The following TRAPPC8 variants were observed in gnomAD, a reference collection of about 807,000 sequenced individuals.
TRAPPC8 encodes general sporulation gene 1 homolog.
TRAPPC8 carries 54 observed loss-of-function variants against 174.3 expected under a neutral mutation model. The ratio of observed to expected loss-of-function variants is 0.31; its 90% confidence interval spans 0.25 to 0.39. The LOEUF is 0.39. TRAPPC8 is among the 10% of genes least tolerant of loss of function. The pLI, the probability that TRAPPC8 is intolerant of heterozygous loss-of-function variation, is 1.00. For synonymous variants in TRAPPC8, 630 were observed against 579.9 expected, an observed-to-expected ratio of 1.09 and a Z score of -1.24; for missense variants, 1,531 against 1,699.1, an observed-to-expected ratio of 0.90 and a Z score of 1.74.
At chr18:31,860,512 CTTGT>C (rs1263262506) in intron 19 of TRAPPC8, among the ~76,000 whole-genome samples, 3 of 152,156 alleles carry the variant, frequency 2.0e-5, no homozygotes, top group Non-Finnish European at 4.4e-5. Context: ...CATTCTCACC[CTTGT>C]TTGATAAATA....
intron 26 of TRAPPC8, among the ~76,000 whole-genome samples, chr18:31,841,530 A>T (rs1356345546): frequency 2.2e-4 from 33 of 152,198 alleles, no homozygotes; most frequent in Admixed American, 2.2e-3. Context: ...ATTAATTCAG[A>T]AACGTTAAAA....
intron 12 of TRAPPC8, among the ~76,000 whole-genome samples, chr18:31,881,091 A>G (rs932264730): frequency 6.6e-6 from 1 of 152,108 alleles, no homozygotes; most frequent in African/African-American, 2.4e-5. Flanking sequence ...CAGATTCAAC[A>G]AACTATCTAT....
In TRAPPC8 at chr18:31,880,119, ATATT is replaced by A. The variant is rs1416950563; in HGVS notation, c.1729-5419_1729-5416del. ...TATATATATATATATATATATATAT[ATATT>A]TTTTTTTTTTTAAGGAAGAAAGATT... On this transcript the variant is annotated intron_variant, in intron 12 of 28. Coordinates refer to ENST00000283351, the MANE Select transcript of TRAPPC8 (RefSeq NM_014939.5). Among the ~76,000 whole-genome samples, 185 of 72,788 alleles carry A rather than the reference ATATT, an allele frequency of 2.5e-3. 2 individuals carry two copies. Among genetic ancestry groups the A allele is most frequent in the African/African-American group, 7.8e-3 (140 of 18,040 alleles). 47.8% of individuals were successfully genotyped at this position (72,788 alleles called of 152,430 possible).
chr18:31,841,718 T>C (rs751344685), intron 26 of TRAPPC8, among the ~76,000 whole-genome samples: 3 of 152,226 alleles, frequency 2.0e-5, no homozygotes, highest in Non-Finnish European at 4.4e-5. Context: ...TGAGGACTTC[T>C]ACCTATACCT....
intron 27 of TRAPPC8, chr18:31,833,174 T>C (rs759338236): frequency 3.3e-5 from 5 of 152,204 alleles, no homozygotes; most frequent in African/African-American, 7.2e-5. Flanking sequence ...AAGCATCTCA[T>C]TAAATTAAGT....
At chr18:31,881,743 T>C (rs118163559) in intron 12 of TRAPPC8, among the ~76,000 whole-genome samples, 2,965 of 151,734 alleles carry the variant, frequency 0.02, 46 homozygotes, top group Non-Finnish European at 0.029. Context: ...AAACTACACA[T>C]CCGACAAAGG....
At position 31,830,652 on chromosome 18, in the gene TRAPPC8, A is replaced by G. The variant is rs530921465; in HGVS notation, c.*103T>C. On this transcript the variant is annotated 3_prime_UTR_variant, in exon 29 of 29. Transcript: ENST00000283351. Reference sequence around the variant, plus strand: ...AGTCAAAGTATTTTGCAGGGATCAGATATCAATCAACCTCCATAACAAGTT... The same window carrying G: ...AGTCAAAGTATTTTGCAGGGATCAGGTATCAATCAACCTCCATAACAAGTT... The G allele has an allele frequency of 1.4e-4, 129 of 950,446 alleles. 1 individual carries two copies. The South Asian group carries it at 1.9e-3, about 14-fold the overall frequency. 58.9% of individuals were successfully genotyped at this position (950,446 alleles called of 1,614,324 possible).
At chr18:31,933,052 A>G (rs975752973) in intron 1 of TRAPPC8, among the ~76,000 whole-genome samples, 7 of 145,748 alleles carry the variant, frequency 4.8e-5, no homozygotes, top group Non-Finnish European at 7.5e-5. Context: ...CTGTAATCCC[A>G]GCACTTTGGG....
rs528124385 is a variant in TRAPPC8 at position 31,885,868 on chromosome 18, C to T, written c.1728+4867G>A. On this transcript the variant is annotated intron_variant, in intron 12 of 28. Transcript: ENST00000283351. ...AGAGCAAAACTCCATCTCAAAAAAA[C>T]GAAAAATAAGAAATATGTCCTAAGG... Among the ~76,000 whole-genome samples, 15 of 150,862 alleles carry T rather than the reference C, an allele frequency of 9.9e-5. No homozygotes were observed. The East Asian group carries it at 1.6e-3, about 16-fold the overall frequency.
chr18:31,922,527 G>A (rs1300913595), intron 2 of TRAPPC8, among the ~76,000 whole-genome samples: 1 of 152,146 alleles, frequency 6.6e-6, no homozygotes, highest in Non-Finnish European at 1.5e-5. Flanking sequence ...GGAGGTCAAA[G>A]CTGCAGTGAG....
At chr18:31,937,208 G>T (rs1359459270) in intron 1 of TRAPPC8, among the ~76,000 whole-genome samples, 1 of 152,126 alleles carries the variant, frequency 6.6e-6, no homozygotes, top group Non-Finnish European at 1.5e-5. Context: ...GCGAGACTCC[G>T]TCTCAAAAAA....
chr18:31,923,314 T>C (rs12606962), intron 2 of TRAPPC8, among the ~76,000 whole-genome samples: 38,089 of 151,566 alleles, frequency 0.25, 5,294 homozygotes, highest in South Asian at 0.52. Flanking sequence ...AGAAACGAAG[T>C]AGGTGAGAAA....
intron 27 of TRAPPC8, among the ~76,000 whole-genome samples, chr18:31,836,452 T>C (rs1314890428): frequency 6.6e-6 from 1 of 152,158 alleles, no homozygotes; most frequent in Non-Finnish European, 1.5e-5. Context: ...AGCCTCTCAA[T>C]GCAGCAAAGG....
chr18:31,871,053 C>A lies in TRAPPC8; in HGVS notation c.2130G>T (p.Trp710Cys). 6.2e-7 allele frequency: 1 copy of A among 1,611,248 alleles called. No individual in the cohort carries two copies. Among genetic ancestry groups the A allele is most frequent in the Non-Finnish European group, 8.5e-7 (1 of 1,178,348 alleles). The stretch of plus-strand genomic sequence containing the variant: ...AAACAACTTGTTCCTCAAGTTCTCG[C>A]CACTGCTGAGAGGATTCAGAATCAT... ...QEYDSESSQQ[W>C]RELEEQVVSV... The change falls in exon 15 of 29, where the codon TGG (tryptophan) becomes TGT (cysteine). Residue 710 changes from tryptophan to cysteine, a missense_variant. Trp to Cys is a radical substitution (Grantham distance 215). Transcript: ENST00000283351.
At chr18:31,898,775 A>T (rs1251530606) in intron 10 of TRAPPC8, among the ~76,000 whole-genome samples, 2 of 152,214 alleles carry the variant, frequency 1.3e-5, no homozygotes, top group Non-Finnish European at 2.9e-5. Context: ...CATTTTAGAA[A>T]AGAATAAAAA....
intron 1 of TRAPPC8, among the ~76,000 whole-genome samples, chr18:31,932,997 CAAAAAAAA>C (rs35234467): frequency 0.034 from 1,449 of 42,706 alleles, 30 homozygotes; most frequent in South Asian, 0.067. Context: ...GACTCCGTCT[CAAAAAAAA>C]AAAAAAAAAA....
chr18:31,852,387 T>C (rs2033756681), intron 24 of TRAPPC8, 59 bp downstream of exon 24: 1 of 1,581,410 alleles, frequency 6.3e-7, no homozygotes. Context: ...TTGCCAAAAA[T>C]ACCCAGATAT....
At chr18:31,897,710 T>A in intron 11 of TRAPPC8, 76 bp downstream of exon 11, 1 of 1,089,852 alleles carries the variant, frequency 9.2e-7, no homozygotes, top group African/African-American at 1.6e-5. Flanking sequence ...TGTAAAGCCT[T>A]TCAAGAAAAA....
At chr18:31,850,297 T>G (rs1333236932) in intron 24 of TRAPPC8, among the ~76,000 whole-genome samples, 1 of 152,158 alleles carries the variant, frequency 6.6e-6, no homozygotes, top group African/African-American at 2.4e-5. Context: ...ATAATTAAAC[T>G]ACGCTCCCAT....
Sources: gnomAD v4.1 joint callset for allele counts (sites outside exome capture counted in the v4.1 genomes callset) on GRCh38, gnomAD v4.1.1 for gene constraint, MANE v1.5 for transcripts, NCBI Gene and HGNC (gene_info 2026-07-23, HGNC 2026-07-21) for gene names.